IMPG1: variants seen among roughly 807,000 people sequenced by gnomAD.
IMPG1 encodes the protein interphotoreceptor matrix proteoglycan of 150 kDa.
IMPG1 carries 85 observed loss-of-function variants against 92.0 expected under a neutral mutation model. The observed-to-expected ratio is 0.92, with a 90% confidence interval of 0.78 to 1.11. IMPG1 has a LOEUF of 1.11. Ranked by LOEUF, IMPG1 falls within the 50% of genes least tolerant of loss-of-function variation. IMPG1 has a pLI of 0.00. For missense variants in IMPG1, 1,022 were observed against 956.0 expected (o/e 1.07, Z -0.91); for synonymous variants, 367 against 334.1 (o/e 1.10, Z -1.08).
intron 11 of IMPG1, 88 bp downstream of exon 11, chr6:76,003,786 T>C: frequency 1.0e-6 from 1 of 972,756 alleles, no homozygotes; most frequent in Non-Finnish European, 1.6e-6. Context: ...GGGATTTTGC[T>C]CTGTTCATTT....
At chr6:76,070,102 C>T (rs1327389704) in intron 1 of IMPG1, among the ~76,000 whole-genome samples, 1 of 152,164 alleles carries the variant, frequency 6.6e-6, no homozygotes, top group Non-Finnish European at 1.5e-5. Context: ...ACCTATGTAA[C>T]TAACCTGCAC....
chr6:76,000,471 A>G (rs1782968285), intron 12 of IMPG1, among the ~76,000 whole-genome samples: 1 of 152,110 alleles, frequency 6.6e-6, no homozygotes, highest in South Asian at 2.1e-4. Context: ...GTATGGATCC[A>G]TGTCTGTAAA....
intron 1 of IMPG1, among the ~76,000 whole-genome samples, chr6:76,064,581 C>A (rs1255735900): frequency 6.6e-6 from 1 of 152,024 alleles, no homozygotes; most frequent in African/African-American, 2.4e-5. Flanking sequence ...CCTTGCCACC[C>A]CTCTTAGGGC....
chr6:75,994,039 G>T (rs1782858425), intron 12 of IMPG1, among the ~76,000 whole-genome samples: 1 of 152,218 alleles, frequency 6.6e-6, no homozygotes, highest in Admixed American at 6.5e-5. Flanking sequence ...CTGGTGAGGT[G>T]CTAGCACTTC....
rs1784416499 is a variant in IMPG1, at chr6:76,072,451, C to T, written c.38G>A (p.Trp13Ter). 6.3e-7 allele frequency: 1 copy of T among 1,595,070 alleles called. No homozygotes were observed. The change falls in exon 1 of 17, where the codon TGG becomes TAG. Residue 13 changes from tryptophan to a stop codon, truncating the protein, a stop_gained. Coordinates refer to ENST00000369950, the MANE Select transcript of IMPG1 (RefSeq NM_001563.4). LOFTEE classifies it high-confidence loss of function. Reference protein sequence around the residue: ...LETRRAIFVFWIFLQVQGTKD... With the variant: ...LETRRAIFVF Reference sequence around the variant, plus strand: ...GGTTCCTTGAACTTGGAGAAAAATCCAAAAAACAAAAATAGCTCTTCTAGT... The same window carrying T: ...GGTTCCTTGAACTTGGAGAAAAATCTAAAAAACAAAAATAGCTCTTCTAGT...
intron 1 of IMPG1, among the ~76,000 whole-genome samples, chr6:76,071,297 G>T (rs1471309992): frequency 6.7e-6 from 1 of 150,264 alleles, no homozygotes; most frequent in Non-Finnish European, 1.5e-5. Context: ...CAGCTGAATT[G>T]CTTGATCAAG....
Position 75,924,581 on chromosome 6 carries a change from T to C in IMPG1, c.2244-875A>G. On this transcript the variant is annotated intron_variant, in intron 15 of 16. Transcript: ENST00000369950. ...ATAATTATATATTATATATAATTAA[T>C]ATAATTATATATTATATATAATTAA... 8.6e-5 allele frequency among the ~76,000 whole-genome samples: 3 copies of C among 34,940 alleles called. 1 individual carries two copies. The allele number at this position is 34,940 out of a possible 152,430, so 22.9% of individuals were successfully genotyped here.
chr6:76,038,194 G>C (rs1405528613), intron 2 of IMPG1, among the ~76,000 whole-genome samples: 1 of 152,164 alleles, frequency 6.6e-6, no homozygotes, highest in Admixed American at 6.5e-5. Context: ...TATTTTTGTT[G>C]TGTGCATCTT....
chr6:76,011,314 T>C (rs1783181305), intron 7 of IMPG1, 90 bp from the exon 8 acceptor site: 1 of 595,936 alleles, frequency 1.7e-6, no homozygotes, highest in Non-Finnish European at 3.1e-6. Context: ...TTTGATGAGT[T>C]AGGGGAACAG....
At chr6:76,040,893 T>TG (rs1267128994) in intron 2 of IMPG1, among the ~76,000 whole-genome samples, 2 of 152,234 alleles carry the variant, frequency 1.3e-5, no homozygotes, top group Non-Finnish European at 2.9e-5. Flanking sequence ...GGTACTCAGT[T>TG]GTCATAGTGT....
Position 75,931,030 on chromosome 6 carries a change from C to T in IMPG1, c.2166G>A (p.Leu722=). 1 of 1,614,204 alleles carries T rather than the reference C, an allele frequency of 6.2e-7. No individual in the cohort carries two copies. The change falls in exon 15 of 17, where the codon CTG becomes CTA. Residue 722 remains leucine, a synonymous_variant. Coordinates refer to ENST00000369950, the MANE Select transcript of IMPG1 (RefSeq NM_001563.4). ...CKPGYDSQGS[L]DGLEPGLCGP... The stretch of plus-strand genomic sequence containing the variant: ...CACAGAGGCCTGGTTCCAGACCGTC[C>T]AGGCTCCCCTGGCTGTCATATCCTG...
In IMPG1 at chr6:75,952,331, A is replaced by C. The variant is rs141671741; in HGVS notation, c.1292-1237T>G. Among the ~76,000 whole-genome samples the C allele has an allele frequency of 8.6e-3, 1,304 of 152,308 alleles. 9 individuals are homozygous for C. Among genetic ancestry groups the C allele is most frequent in the Non-Finnish European group, 0.015 (1,010 of 68,010 alleles). On this transcript the variant is annotated intron_variant, in intron 12 of 16. Transcript: ENST00000369950. The stretch of plus-strand genomic sequence containing the variant: ...ATAAATGGACTGTCTGGATGCAGAT[A>C]TAATCTCTGGACTCTCAGTCAGCTA...
intron 12 of IMPG1, among the ~76,000 whole-genome samples, chr6:75,994,251 A>T (rs944065592): frequency 4.6e-5 from 7 of 152,208 alleles, no homozygotes; most frequent in African/African-American, 1.7e-4. Context: ...TAGGAGGACA[A>T]AGCATGCATA....
rs149938924 is a variant in IMPG1 at position 75,957,480 on chromosome 6, T to C, written c.1292-6386A>G. Among the ~76,000 whole-genome samples the C allele has an allele frequency of 1.8e-3, 277 of 152,318 alleles. 2 individuals carry two copies. Among genetic ancestry groups the C allele is most frequent in the Middle Eastern group, 0.01 (3 of 294 alleles). ...GAATAGCCTTGTTAGTTTTGTCTTGTTGATCTGTCTAATATAGATAGTGGG... is the reference window on the plus strand; with the variant it reads ...GAATAGCCTTGTTAGTTTTGTCTTGCTGATCTGTCTAATATAGATAGTGGG... On this transcript the variant is annotated intron_variant, in intron 12 of 16. Coordinates refer to ENST00000369950, the MANE Select transcript of IMPG1 (RefSeq NM_001563.4).
At chr6:76,072,211 T>C (rs935905342) in intron 1 of IMPG1, among the ~76,000 whole-genome samples, 2 of 152,158 alleles carry the variant, frequency 1.3e-5, no homozygotes, top group Non-Finnish European at 2.9e-5. Flanking sequence ...TTTGTTAATC[T>C]TCACTGCACT....
chr6:76,038,484 C>T (rs1448677709), intron 2 of IMPG1, among the ~76,000 whole-genome samples: 1 of 152,088 alleles, frequency 6.6e-6, no homozygotes, highest in Admixed American at 6.5e-5. Context: ...TAGACTCTTT[C>T]CATGATTGGA....
chr6:76,020,410 T>C (rs1783399541), intron 6 of IMPG1, among the ~76,000 whole-genome samples: 1 of 152,180 alleles, frequency 6.6e-6, no homozygotes, highest in South Asian at 2.1e-4. Context: ...ACTGGAACCA[T>C]GTGGCCTAAT....
chr6:75,991,299 G>A (rs1782809243), intron 12 of IMPG1, among the ~76,000 whole-genome samples: 2 of 152,092 alleles, frequency 1.3e-5, no homozygotes, highest in East Asian at 3.9e-4. Flanking sequence ...GCTGAGGCAA[G>A]AGAATCGCTT....
rs535599293 is a variant in IMPG1, at chr6:76,001,669, C to T, written c.1291+1249G>A. On this transcript the variant is annotated intron_variant, in intron 12 of 16. Transcript: ENST00000369950. ...CTGATTTGCCAGCCAGTGAGTGAACCGTTTTGGAAATGGATCTTCAACACC... is the reference window on the plus strand; with the variant it reads ...CTGATTTGCCAGCCAGTGAGTGAACTGTTTTGGAAATGGATCTTCAACACC... Among the ~76,000 whole-genome samples the T allele has an allele frequency of 2.6e-5, 4 of 152,240 alleles. No homozygotes were observed. The South Asian group carries it at 8.3e-4, about 32-fold the overall frequency.
Sources: gnomAD v4.1 joint callset for allele counts (sites outside exome capture counted in the v4.1 genomes callset) on GRCh38, gnomAD v4.1.1 for gene constraint, MANE v1.5 for transcripts, NCBI Gene and HGNC (gene_info 2026-07-23, HGNC 2026-07-21) for gene names.